The following FMN1 variants were observed in gnomAD, a reference collection of about 807,000 sequenced individuals.
The protein encoded by FMN1 is formin 1, also known as formin-1.
FMN1 carries 110 observed loss-of-function variants against 132.4 expected under a neutral mutation model. The observed-to-expected ratio is 0.83, with a 90% confidence interval of 0.71 to 0.97. FMN1 has a LOEUF of 0.97. FMN1 is among the 50% of genes least tolerant of loss of function. The probability of loss-of-function intolerance (pLI) is 0.00; values close to 1 mark genes in which losing one functional copy is unlikely to be tolerated. For synonymous variants in FMN1, 722 were observed against 651.7 expected (o/e 1.11, Z -1.64); for missense variants, 1,792 against 1,705.3 (o/e 1.05, Z -0.90).
At chr15:33,128,338 G>C (rs572241822) in intron 4 of FMN1, among the ~76,000 whole-genome samples, 2 of 152,098 alleles carry the variant, frequency 1.3e-5, no homozygotes, top group African/African-American at 4.8e-5. Context: ...TCTGATTCCG[G>C]GCCTGATCCT....
chr15:33,135,792 T>C (rs1355284223), intron 4 of FMN1, among the ~76,000 whole-genome samples: 3 of 152,238 alleles, frequency 2.0e-5, no homozygotes, highest in Non-Finnish European at 2.9e-5. Context: ...CAATACTAAC[T>C]GTTCTATTCT....
At chr15:32,858,733 C>A (rs1472061496) in intron 16 of FMN1, among the ~76,000 whole-genome samples, 3 of 152,178 alleles carry the variant, frequency 2.0e-5, no homozygotes, top group Non-Finnish European at 4.4e-5. Context: ...AGAACAAATT[C>A]TATAAATCCA....
At chr15:32,886,067 C>T (rs536026748) in intron 16 of FMN1, among the ~76,000 whole-genome samples, 20 of 152,164 alleles carry the variant, frequency 1.3e-4, no homozygotes, top group African/African-American at 3.6e-4. Context: ...TGAATGGAAA[C>T]GTTAAGATGA....
At chr15:33,003,599 G>GCCATAT (rs2034241810) in intron 7 of FMN1, among the ~76,000 whole-genome samples, 1 of 152,158 alleles carries the variant, frequency 6.6e-6, no homozygotes, top group African/African-American at 2.4e-5. Context: ...AATCAATATC[G>GCCATAT]TGAAAATGGC....
At chr15:32,865,980 G>A (rs2059383621) in intron 16 of FMN1, among the ~76,000 whole-genome samples, 1 of 151,990 alleles carries the variant, frequency 6.6e-6, no homozygotes, top group African/African-American at 2.4e-5. Flanking sequence ...TCTTAATTGT[G>A]GCATACAGCT....
At chr15:33,102,360 G>C (rs185485724) in intron 4 of FMN1, among the ~76,000 whole-genome samples, 5 of 152,142 alleles carry the variant, frequency 3.3e-5, no homozygotes, top group African/African-American at 1.2e-4. Flanking sequence ...GTAAAACATT[G>C]GGGAGCAGAA....
At chr15:33,159,500 TAAG>T in intron 3 of FMN1, among the ~76,000 whole-genome samples, 1 of 152,192 alleles carries the variant, frequency 6.6e-6, no homozygotes, top group African/African-American at 2.4e-5. Flanking sequence ...ATACAGTATA[TAAG>T]GTGTTTCAAT....
At chr15:32,863,350 C>T (rs1555477312) in intron 16 of FMN1, among the ~76,000 whole-genome samples, 2 of 152,116 alleles carry the variant, frequency 1.3e-5, no homozygotes, top group Non-Finnish European at 2.9e-5. Context: ...AGGAGAATGG[C>T]GTGAACCCGG....
intron 4 of FMN1, among the ~76,000 whole-genome samples, chr15:33,129,787 A>ATTTTT (rs61564380): frequency 8.2e-6 from 1 of 121,754 alleles, no homozygotes. Flanking sequence ...TTGACTAGCA[A>ATTTTT]TTTTTTTTTT....
intron 7 of FMN1, among the ~76,000 whole-genome samples, chr15:33,005,527 T>C (rs1023151906): frequency 2.0e-5 from 3 of 152,192 alleles, no homozygotes; most frequent in African/African-American, 7.2e-5. Flanking sequence ...TTTTCTTAGT[T>C]TGAGATATAT....
At chr15:33,039,903 C>T (rs1014175920) in intron 6 of FMN1, among the ~76,000 whole-genome samples, 2 of 152,156 alleles carry the variant, frequency 1.3e-5, no homozygotes, top group African/African-American at 4.8e-5. Context: ...TCCCCACTGC[C>T]GCCACTCACC....
chr15:33,087,810 TAC>T (rs1194055770), intron 5 of FMN1, among the ~76,000 whole-genome samples: 3,822 of 123,772 alleles, frequency 0.031, 159 homozygotes, highest in African/African-American at 0.11. Context: ...TATATACATA[TAC>T]ACATATATAT....
chr15:32,884,150 G>T (rs2059839262), intron 16 of FMN1, among the ~76,000 whole-genome samples: 1 of 152,094 alleles, frequency 6.6e-6, no homozygotes, highest in African/African-American at 2.4e-5. Context: ...TAATAAATTA[G>T]CACAAACTTA....
chr15:32,902,299 G>C (rs1443095976), intron 12 of FMN1, among the ~76,000 whole-genome samples: 2 of 152,120 alleles, frequency 1.3e-5, no homozygotes, highest in African/African-American at 4.8e-5. Flanking sequence ...GTTAACACAA[G>C]TATACTAAAC....
intron 17 of FMN1, among the ~76,000 whole-genome samples, chr15:32,817,992 C>A (rs970393354): frequency 7.9e-5 from 12 of 152,102 alleles, no homozygotes; most frequent in Non-Finnish European, 1.6e-4. Context: ...CCAGATTTTA[C>A]AAGTAATAAA....
intron 17 of FMN1, among the ~76,000 whole-genome samples, chr15:32,812,647 T>A (rs2057920900): frequency 6.6e-6 from 1 of 152,244 alleles, no homozygotes; most frequent in African/African-American, 2.4e-5. Flanking sequence ...AGTTTATTCA[T>A]GTCATGTCAG....
intron 11 of FMN1, among the ~76,000 whole-genome samples, chr15:32,910,124 C>T (rs895993269): frequency 9.2e-5 from 14 of 152,202 alleles, no homozygotes; most frequent in African/African-American, 3.4e-4. Context: ...TATTAGCAGT[C>T]CCATTCTTCA....
chr15:33,048,330 T>A (rs2036786967), intron 6 of FMN1, among the ~76,000 whole-genome samples: 1 of 152,090 alleles, frequency 6.6e-6, no homozygotes, highest in Admixed American at 6.6e-5. Context: ...AATGAGATTA[T>A]ATATAAGAAA....
intron 4 of FMN1, among the ~76,000 whole-genome samples, chr15:33,107,133 C>T (rs1305668281): frequency 1.3e-5 from 2 of 151,984 alleles, no homozygotes; most frequent in African/African-American, 4.8e-5. Context: ...CCTGCTTCAT[C>T]CTTGAGTCCT....
Sources: allele counts gnomAD v4.1 joint callset (sites outside exome capture counted in the v4.1 genomes callset), GRCh38; gene constraint gnomAD v4.1.1; transcripts MANE v1.5; gene names NCBI Gene and HGNC (gene_info 2026-07-23, HGNC 2026-07-21).